GRID2: variants seen among roughly 807,000 people sequenced by gnomAD.
The protein encoded by GRID2 is glutamate ionotropic receptor delta type subunit 2, also known as glutamate receptor ionotropic, delta-2.
In GRID2, 33 loss-of-function variants were observed where a neutral mutation model predicts 114.8. The observed-to-expected ratio is 0.29, with a 90% CI of 0.22 to 0.38. GRID2 has a LOEUF of 0.38. Ranked by LOEUF, GRID2 falls within the 10% of genes least tolerant of loss-of-function variation. The pLI is 1.00. For missense variants in GRID2, 1,184 were observed against 1,257.7 expected (o/e 0.94, Z 0.89); for synonymous variants, 505 against 449.9 (o/e 1.12, Z -1.55).
At chr4:92,541,393 T>C (rs1483167393) in intron 1 of GRID2, among the ~76,000 whole-genome samples, 1 of 152,006 alleles carries the variant, frequency 6.6e-6, no homozygotes, top group Non-Finnish European at 1.5e-5. Flanking sequence ...ATGTTTTAGT[T>C]ATATGATAAA....
chr4:92,955,776 T>G (rs1041635891), intron 2 of GRID2, among the ~76,000 whole-genome samples: 4 of 152,138 alleles, frequency 2.6e-5, no homozygotes, highest in Admixed American at 1.3e-4. Flanking sequence ...TTTAATCCAT[T>G]TTGAATTGAT....
At chr4:93,507,082 T>C (rs1317318219) in intron 12 of GRID2, among the ~76,000 whole-genome samples, 1 of 152,164 alleles carries the variant, frequency 6.6e-6, no homozygotes, top group Non-Finnish European at 1.5e-5. Context: ...CTTAGTGCTA[T>C]TAAGCTAAAA....
chr4:92,606,050 T>G, intron 2 of GRID2, among the ~76,000 whole-genome samples: 1 of 152,102 alleles, frequency 6.6e-6, no homozygotes, highest in African/African-American at 2.4e-5. Context: ...CTAAAATAAA[T>G]ACCAAAATTT....
chr4:93,499,373 C>G (rs1356915022), intron 12 of GRID2, among the ~76,000 whole-genome samples: 1 of 151,894 alleles, frequency 6.6e-6, no homozygotes, highest in Admixed American at 6.6e-5. Context: ...GCTTGAAAAA[C>G]TTTATTATTA....
At chr4:93,252,001 T>C (rs754214189) in intron 8 of GRID2, among the ~76,000 whole-genome samples, 4 of 152,136 alleles carry the variant, frequency 2.6e-5, no homozygotes, top group East Asian at 3.9e-4. Context: ...GTAACTAGTA[T>C]TGGGATTGCT....
intron 1 of GRID2, among the ~76,000 whole-genome samples, chr4:92,411,396 T>C (rs1241428029): frequency 1.3e-5 from 2 of 152,146 alleles, no homozygotes; most frequent in Non-Finnish European, 2.9e-5. Flanking sequence ...GTAGAAATCT[T>C]ACAAAATAGA....
chr4:93,176,664 C>T (rs1198223991), intron 4 of GRID2, among the ~76,000 whole-genome samples: 1 of 152,084 alleles, frequency 6.6e-6, no homozygotes, highest in Non-Finnish European at 1.5e-5. Context: ...TTATGCTTTT[C>T]TGAGACCATT....
chr4:93,591,560 G>T (rs1219087820), intron 13 of GRID2, among the ~76,000 whole-genome samples: 1 of 152,106 alleles, frequency 6.6e-6, no homozygotes, highest in Admixed American at 6.6e-5. Context: ...TCAGAATGAT[G>T]CTGGCCTCAT....
intron 13 of GRID2, among the ~76,000 whole-genome samples, chr4:93,569,582 A>T (rs1014897500): frequency 6.6e-6 from 1 of 152,182 alleles, no homozygotes; most frequent in Non-Finnish European, 1.5e-5. Context: ...TATGCTTCAA[A>T]TATTACCACT....
At chr4:93,288,948 A>C (rs186234066) in intron 8 of GRID2, among the ~76,000 whole-genome samples, 2 of 152,196 alleles carry the variant, frequency 1.3e-5, no homozygotes, top group East Asian at 3.9e-4. Flanking sequence ...AGTGCTCTAA[A>C]TTTTTTCCTG....
At chr4:93,490,821 A>T (rs1006966134) in intron 12 of GRID2, 44 bp downstream of exon 12, 1 of 1,400,616 alleles carries the variant, frequency 7.1e-7, no homozygotes, top group East Asian at 2.3e-5. Context: ...ATGAGAAATG[A>T]TAAGAGTGGC....
chr4:93,557,181 A>G (rs570770653), intron 13 of GRID2, among the ~76,000 whole-genome samples: 3 of 152,340 alleles, frequency 2.0e-5, no homozygotes, highest in African/African-American at 7.2e-5. Context: ...AAACTGCATC[A>G]ACTAACAGGC....
chr4:92,942,151 C>G (rs1751197155), intron 2 of GRID2, among the ~76,000 whole-genome samples: 1 of 152,116 alleles, frequency 6.6e-6, no homozygotes, highest in Non-Finnish European at 1.5e-5. Context: ...GTTGATCTGT[C>G]TAATGTTGAC....
intron 14 of GRID2, among the ~76,000 whole-genome samples, chr4:93,703,843 G>A (rs1251276885): frequency 2.0e-5 from 3 of 152,024 alleles, no homozygotes; most frequent in Admixed American, 6.6e-5. Flanking sequence ...ATTTATGGCT[G>A]CATAGTATTC....
At chr4:93,553,397 A>G (rs541504389) in intron 13 of GRID2, among the ~76,000 whole-genome samples, 76 of 152,148 alleles carry the variant, frequency 5.0e-4, no homozygotes, top group Non-Finnish European at 7.1e-4. Context: ...ACTCTTGCTA[A>G]CTTGGTTCTA....
At chr4:92,811,474 A>T (rs1740660602) in intron 2 of GRID2, among the ~76,000 whole-genome samples, 1 of 152,022 alleles carries the variant, frequency 6.6e-6, no homozygotes, top group African/African-American at 2.4e-5. Context: ...TATTTTTGTA[A>T]TTGTCTATTC....
At chr4:93,578,423 A>G (rs1008964057) in intron 13 of GRID2, among the ~76,000 whole-genome samples, 1 of 152,042 alleles carries the variant, frequency 6.6e-6, no homozygotes, top group Non-Finnish European at 1.5e-5. Flanking sequence ...TGGGGATGGA[A>G]ATACTGTTTT....
At chr4:92,909,462 A>G (rs1370151459) in intron 2 of GRID2, among the ~76,000 whole-genome samples, 1 of 152,062 alleles carries the variant, frequency 6.6e-6, no homozygotes, top group South Asian at 2.1e-4. Flanking sequence ...ATCTTCTAAA[A>G]TATTTTTTAC....
Position 93,294,637 on chromosome 4 carries a change from T to A in GRID2, c.1245+56147T>A, listed in dbSNP as rs532716700. 2.6e-5 allele frequency among the ~76,000 whole-genome samples: 4 copies of A among 151,880 alleles called. No homozygotes were observed. The South Asian group carries it at 6.3e-4, about 24-fold the overall frequency. ...GCAGTGGTGTGATCTCGGCTCACTG[T>A]AACCTCCACCTCTCAGGTTCAAACA... On this transcript the variant is annotated intron_variant, in intron 8 of 15. Coordinates refer to ENST00000282020, the MANE Select transcript of GRID2 (RefSeq NM_001510.4).
Sources: gnomAD v4.1 joint callset for allele counts (sites outside exome capture counted in the v4.1 genomes callset) on GRCh38, gnomAD v4.1.1 for gene constraint, MANE v1.5 for transcripts, NCBI Gene and HGNC (gene_info 2026-07-23, HGNC 2026-07-21) for gene names.